SLC6A3: variants seen among roughly 807,000 people sequenced by gnomAD.
SLC6A3 encodes solute carrier family 6 member 3, also known as sodium-dependent dopamine transporter.
Under a neutral mutation model 70.4 loss-of-function variants are expected in SLC6A3, and 19 were observed. The ratio of observed to expected loss-of-function variants is 0.27; its 90% CI spans 0.19 to 0.40. The LOEUF (loss-of-function observed/expected upper bound fraction) is 0.40, where lower values mean the gene tolerates loss of function less well. Ranked by LOEUF, SLC6A3 falls within the 10% of genes least tolerant of loss-of-function variation. SLC6A3 has a pLI of 1.00. For synonymous variants in SLC6A3, 368 were observed against 356.6 expected, an observed-to-expected ratio of 1.03 and a Z score of -0.36; for missense variants, 613 against 838.5, an observed-to-expected ratio of 0.73 and a Z score of 3.32.
At chr5:1,414,408 TG>T (rs1756207537) in intron 8 of SLC6A3, among the ~76,000 whole-genome samples, 1 of 28,752 alleles carries the variant, frequency 3.5e-5, no homozygotes, top group Non-Finnish European at 6.9e-5. Flanking sequence ...TGGGGGGGCC[TG>T]GAGGGGCAGG....
intron 4 of SLC6A3, among the ~76,000 whole-genome samples, chr5:1,431,221 G>A (rs949233748): frequency 6.6e-5 from 10 of 152,262 alleles, no homozygotes; most frequent in Admixed American, 6.5e-4. Context: ...GGGAAACAGG[G>A]AACCCCTGGG....
At chr5:1,441,299 T>A in intron 3 of SLC6A3, 60 bp downstream of exon 3, 1 of 1,609,424 alleles carries the variant, frequency 6.2e-7, no homozygotes, top group Non-Finnish European at 8.5e-7. Context: ...CTTTGAAAGC[T>A]CCAGCGTCAC....
In SLC6A3 at chr5:1,442,869, C is replaced by A; in HGVS notation, c.286+43G>T. The stretch of plus-strand genomic sequence containing the variant: ...CTTGGCCCCGGCTGCCCCTACGACC[C>A]CCGCCCGGCCAGCATGCTCAGGGAG... On this transcript the variant is annotated intron_variant, in intron 2 of 14. Transcript: ENST00000270349. The surrounding 1 kb of genome is among the most constrained non-coding windows in gnomAD (Gnocchi z 5.0). 4 of 1,610,966 alleles carry A rather than the reference C, an allele frequency of 2.5e-6. No homozygotes were observed. The highest frequency in any genetic ancestry group is 3.4e-6 in the Non-Finnish European group (4 of 1,177,424).
intron 4 of SLC6A3, among the ~76,000 whole-genome samples, chr5:1,431,740 A>G (rs1373093746): frequency 6.6e-6 from 1 of 151,318 alleles, no homozygotes; most frequent in Non-Finnish European, 1.5e-5. Context: ...TGGGGTGGGC[A>G]GTGAGGAACT....
chr5:1,436,099 G>A lies in SLC6A3; in HGVS notation c.419-3401C>T, dbSNP rs1756828415. Reference sequence around the variant, plus strand: ...GATGCTTCCCTGGGCACCTGGGTGAGGAAATGGCTCCCTTGAACGGTAGTG... The same window carrying A: ...GATGCTTCCCTGGGCACCTGGGTGAAGAAATGGCTCCCTTGAACGGTAGTG... On this transcript the variant is annotated intron_variant, in intron 3 of 14. Transcript: ENST00000270349. This position sits in a 1 kb window ranked among gnomAD's most constrained non-coding sequence, Gnocchi z 5.2. 1.3e-5 allele frequency among the ~76,000 whole-genome samples: 2 copies of A among 152,048 alleles called. No homozygotes were observed. The highest frequency in any genetic ancestry group is 4.8e-5 in the African/African-American group (2 of 41,386).
intron 4 of SLC6A3, among the ~76,000 whole-genome samples, chr5:1,428,892 G>C (rs1471689692): frequency 2.0e-5 from 3 of 152,220 alleles, no homozygotes; most frequent in African/African-American, 7.2e-5. Flanking sequence ...AGCCCTTTCA[G>C]ATCTACTCTT....
intron 6 of SLC6A3, among the ~76,000 whole-genome samples, chr5:1,419,496 G>T (rs1057288098): frequency 2.6e-5 from 4 of 152,198 alleles, no homozygotes; most frequent in African/African-American, 4.8e-5. Flanking sequence ...TTCCTAGCTG[G>T]AGCACTAGGC....
Position 1,405,987 on chromosome 5 carries a change from G to A in SLC6A3, c.1599+201C>T, listed in dbSNP as rs142606300. 4.1e-3 allele frequency among the ~76,000 whole-genome samples: 621 copies of A among 152,326 alleles called. 4 individuals carry two copies. The highest frequency in any genetic ancestry group is 0.013 in the African/African-American group (538 of 41,580). ...CAAGACCATGTGAGGTTTTTTCGGT[G>A]GGTCTAGAGGGGAGGGTGGAAGCCA... On this transcript the variant is annotated intron_variant, in intron 12 of 14. Coordinates refer to ENST00000270349, the MANE Select transcript of SLC6A3 (RefSeq NM_001044.5). The surrounding 1 kb of genome is among the most constrained non-coding windows in gnomAD (Gnocchi z 5.3).
chr5:1,443,020 G>T lies in SLC6A3; in HGVS notation c.178C>A (p.Arg60=). ...TCGATCTTCTTGCCCCAGGTCTCCC[G>T]ATCCTGGGCCTCCACGGGGCTCTGC... ...PRQSPVEAQD[R]ETWGKKIDFL... The change falls in exon 2 of 15, where the codon CGG becomes AGG. Residue 60 remains arginine, a synonymous_variant. Coordinates refer to ENST00000270349, the MANE Select transcript of SLC6A3 (RefSeq NM_001044.5). 10 of 1,614,212 alleles carry T rather than the reference G, an allele frequency of 6.2e-6. No homozygotes were observed. Among genetic ancestry groups the T allele is most frequent in the Non-Finnish European group, 8.5e-6 (10 of 1,180,042 alleles).
intron 3 of SLC6A3, 114 bp downstream of exon 3, chr5:1,441,245 G>T: frequency 1.5e-6 from 2 of 1,322,168 alleles, no homozygotes; most frequent in Non-Finnish European, 2.2e-6. Flanking sequence ...CCATGCCTGT[G>T]TCTTAGCAAA....
intron 4 of SLC6A3, among the ~76,000 whole-genome samples, chr5:1,429,339 C>T (rs1756643370): frequency 6.6e-6 from 1 of 152,144 alleles, no homozygotes; most frequent in South Asian, 2.1e-4. Flanking sequence ...GATCTTAAAC[C>T]TTCTCCAACT....
At chr5:1,415,571 G>T (rs796247294) in intron 7 of SLC6A3, among the ~76,000 whole-genome samples, 2 of 152,206 alleles carry the variant, frequency 1.3e-5, no homozygotes, top group Non-Finnish European at 2.9e-5. Context: ...AAGAAAGTAA[G>T]CACAAGTCCA....
In SLC6A3 at chr5:1,402,445, G is replaced by T. The variant is rs28363136; in HGVS notation, c.1767+477C>A. Among the ~76,000 whole-genome samples the T allele has an allele frequency of 5.0e-3, 763 of 152,136 alleles. 9 individuals carry two copies. The highest frequency in any genetic ancestry group is 0.017 in the Middle Eastern group (5 of 294). On this transcript the variant is annotated intron_variant, in intron 13 of 14. Coordinates refer to ENST00000270349, the MANE Select transcript of SLC6A3 (RefSeq NM_001044.5). This position sits in a 1 kb window ranked among gnomAD's most constrained non-coding sequence, Gnocchi z 8.5. The stretch of plus-strand genomic sequence containing the variant: ...CCAAAGTTGGGCTCGGCCCTGGGGG[G>T]ACCTAGATCACCCCTGATTCTACCG...
At position 1,408,506 on chromosome 5, in the gene SLC6A3, T is replaced by C. The variant is rs551009130; in HGVS notation, c.1498+520A>G. ...CATGTGGGGAAAGGGCAGCCCTGGC[T>C]CCAGGCTGGGTTTTCTGTTGCTGTT... On this transcript the variant is annotated intron_variant, in intron 11 of 14. Coordinates refer to ENST00000270349, the MANE Select transcript of SLC6A3 (RefSeq NM_001044.5). The surrounding 1 kb of genome is among the most constrained non-coding windows in gnomAD (Gnocchi z 6.4). Among the ~76,000 whole-genome samples, 105 of 152,178 alleles carry C rather than the reference T, an allele frequency of 6.9e-4. No individual in the cohort carries two copies. The highest frequency in any genetic ancestry group is 2.4e-3 in the African/African-American group (101 of 41,510).
At position 1,420,578 on chromosome 5, in the gene SLC6A3, G is replaced by A. The variant is rs746199611; in HGVS notation, c.918C>T (p.Cys306=). 7 of 1,613,332 alleles carry A rather than the reference G, an allele frequency of 4.3e-6. No individual in the cohort carries two copies. Among genetic ancestry groups the A allele is most frequent in the Admixed American group, 3.3e-5 (2 of 60,026 alleles). ...AGCAGACTGTACTCACAGACGCCTC[G>A]CAGAGCCGGTAGAAGTCAACGCTCA... ...AYLSVDFYRL[C]EASVWIDAAT... The change falls in exon 6 of 15, where the codon TGC becomes TGT. Residue 306 remains cysteine, a synonymous_variant. Transcript: ENST00000270349.
Position 1,397,620 on chromosome 5 carries a change from A to G in SLC6A3, c.1840-2862T>C, listed in dbSNP as rs111949100. On this transcript the variant is annotated intron_variant, in intron 14 of 14. Transcript: ENST00000270349. This position sits in a 1 kb window ranked among gnomAD's most constrained non-coding sequence, Gnocchi z 4.7. ...CGGAACACTGCTGCCTCCAAAACGC[A>G]GAGATAGTCCCTGTCAGCCTAGAGC... Among the ~76,000 whole-genome samples the G allele has an allele frequency of 2.0e-5, 3 of 152,328 alleles. No individual in the cohort carries two copies. Among genetic ancestry groups the G allele is most frequent in the African/African-American group, 7.2e-5 (3 of 41,576 alleles).
Position 1,441,366 on chromosome 5 carries a change from T to C in SLC6A3, c.411A>G (p.Ile137Met), listed in dbSNP as rs751085089. The change falls in exon 3 of 15, where the codon ATA becomes ATG. Residue 137 changes from isoleucine to methionine, a missense_variant. By Grantham distance (10) the Ile-to-Met change is conservative (BLOSUM62 1). Around this residue, in one of 4 missense-constraint regions of SLC6A3, gnomAD observed 153 missense variants for 249.4 expected, o/e 0.61. Transcript: ENST00000270349. ...GAAGVWKICP[I>M]LKGVGFTVIL... ...GAGGCACCCGCATATTACCTTTCAGTATGGGGCAGATCTTCCAGACACCAG... is the reference window on the plus strand; with the variant it reads ...GAGGCACCCGCATATTACCTTTCAGCATGGGGCAGATCTTCCAGACACCAG... The C allele has an allele frequency of 8.1e-6, 13 of 1,614,172 alleles. No individual in the cohort carries two copies. The South Asian group carries it at 1.1e-4, about 14-fold the overall frequency.
chr5:1,421,007 G>A lies in SLC6A3; in HGVS notation c.793-304C>T, dbSNP rs574937515. Among the ~76,000 whole-genome samples, 13 of 152,316 alleles carry A rather than the reference G, an allele frequency of 8.5e-5. No individual in the cohort carries two copies. The East Asian group carries it at 1.5e-3, about 18-fold the overall frequency. ...GTGGCTGATGGGGGTTTTCTGATGC[G>A]TGGGACGTGAGTGGATTCACACTGG... is the stretch of plus-strand genomic sequence containing the variant. On this transcript the variant is annotated intron_variant, in intron 5 of 14. Transcript: ENST00000270349. This position sits in a 1 kb window ranked among gnomAD's most constrained non-coding sequence, Gnocchi z 7.2.
At position 1,423,112 on chromosome 5, in the gene SLC6A3, T is replaced by C. The variant is rs2975286; in HGVS notation, c.654-1098A>G. Among the ~76,000 whole-genome samples the C allele has an allele frequency of 1.1e-3, 57 of 51,428 alleles. 1 individual carries two copies. The highest frequency in any genetic ancestry group is 1.5e-3 in the Non-Finnish European group (44 of 29,116). The allele number at this position is 51,428 out of a possible 152,430, so 33.7% of individuals were successfully genotyped here. A position where few individuals can be genotyped will look rare whatever the true frequency, so the allele number is the denominator to read the frequency against. The stretch of plus-strand genomic sequence containing the variant: ...GCTGCCCACGCTGCTGGGTACCCAC[T>C]GCTGCCCAGTGCTGCCCACGGTGCT... On this transcript the variant is annotated intron_variant, in intron 4 of 14. Coordinates refer to ENST00000270349, the MANE Select transcript of SLC6A3 (RefSeq NM_001044.5).
Sources: gnomAD v4.1 joint callset for allele counts (sites outside exome capture counted in the v4.1 genomes callset) on GRCh38, gnomAD v4.1.1 for gene constraint, gnomAD v4.1.1 regional missense constraint, Gnocchi (gnomAD v3.1) non-coding constraint, MANE v1.5 for transcripts, NCBI Gene and HGNC (gene_info 2026-07-23, HGNC 2026-07-21) for gene names.